Variants in DLG2 observed in about 807,000 individuals in gnomAD.
DLG2 encodes discs large MAGUK scaffold protein 2.
In DLG2, 45 loss-of-function variants were observed where a neutral mutation model predicts 132.5. That is an observed-to-expected ratio of 0.34 (90% CI 0.27 to 0.44). The LOEUF is 0.44. DLG2 is among the 20% of genes least tolerant of loss of function. The pLI, the probability that DLG2 is intolerant of heterozygous loss-of-function variation, is 1.00. For synonymous variants in DLG2, 424 were observed against 419.6 expected (o/e 1.01, Z -0.13); for missense variants, 1,045 against 1,196.9 (o/e 0.87, Z 1.87).
chr11:84,728,574 G>C (rs1172471389), intron 6 of DLG2, among the ~76,000 whole-genome samples: 1 of 152,152 alleles, frequency 6.6e-6, no homozygotes, highest in Non-Finnish European at 1.5e-5. Flanking sequence ...GTCTCTGCCA[G>C]GTGTTGGTAT....
intron 6 of DLG2, among the ~76,000 whole-genome samples, chr11:84,561,150 G>C (rs759615951): frequency 6.6e-6 from 1 of 152,082 alleles, no homozygotes; most frequent in Non-Finnish European, 1.5e-5. Context: ...AGGTTTAGGT[G>C]ATAATGCAAA....
intron 3 of DLG2, among the ~76,000 whole-genome samples, chr11:85,332,415 T>G (rs140421659): frequency 4.2e-4 from 64 of 152,340 alleles, no homozygotes; most frequent in African/African-American, 1.5e-3. Context: ...TTCTGCAGGT[T>G]GTCTACTCTC....
chr11:85,501,398 C>T (rs916119190), intron 3 of DLG2, among the ~76,000 whole-genome samples: 1 of 152,106 alleles, frequency 6.6e-6, no homozygotes, highest in Non-Finnish European at 1.5e-5. Context: ...GCAATGGCAA[C>T]AAAAGCCAAA....
intron 5 of DLG2, among the ~76,000 whole-genome samples, chr11:85,140,439 A>T (rs190561103): frequency 9.3e-4 from 142 of 151,876 alleles, no homozygotes; most frequent in Middle Eastern, 3.4e-3. Flanking sequence ...CTATCTTTTT[A>T]AAAAATTATG....
At chr11:83,574,225 G>A (rs1157228708) in intron 19 of DLG2, among the ~76,000 whole-genome samples, 3 of 152,048 alleles carry the variant, frequency 2.0e-5, no homozygotes, top group Admixed American at 6.6e-5. Context: ...AAATGACAGT[G>A]TCTGTCTTTT....
At chr11:83,814,261 G>C (rs1480459026) in intron 17 of DLG2, among the ~76,000 whole-genome samples, 2 of 152,108 alleles carry the variant, frequency 1.3e-5, no homozygotes, top group East Asian at 3.8e-4. Flanking sequence ...CTTAGGAATT[G>C]TAAAAAATAA....
chr11:84,229,364 T>A (rs1239856137), intron 8 of DLG2, among the ~76,000 whole-genome samples: 1 of 152,220 alleles, frequency 6.6e-6, no homozygotes, highest in East Asian at 1.9e-4. Context: ...GATGATACCA[T>A]ATTTCTCTTG....
chr11:84,248,566 G>A (rs565327130), intron 8 of DLG2, among the ~76,000 whole-genome samples: 1 of 152,176 alleles, frequency 6.6e-6, no homozygotes, highest in Admixed American at 6.6e-5. Context: ...GTATGAAAAA[G>A]TTGATTAGGC....
At chr11:85,215,489 A>G (rs2082526529) in intron 4 of DLG2, among the ~76,000 whole-genome samples, 1 of 152,178 alleles carries the variant, frequency 6.6e-6, no homozygotes, top group African/African-American at 2.4e-5. Flanking sequence ...GCTGAAAGCA[A>G]TTGAGAAAAA....
chr11:84,525,355 G>GC (rs1217947344), intron 7 of DLG2, among the ~76,000 whole-genome samples: 1 of 151,860 alleles, frequency 6.6e-6, no homozygotes, highest in Non-Finnish European at 1.5e-5. Context: ...TCTTCCTCTG[G>GC]CATTCTTGGT....
intron 6 of DLG2, among the ~76,000 whole-genome samples, chr11:85,104,131 T>A (rs1308854592): frequency 1.3e-5 from 2 of 151,860 alleles, no homozygotes. Context: ...ATGGTGCAAA[T>A]GTTATGGGAA....
chr11:84,701,008 T>C (rs2153741679), intron 6 of DLG2, among the ~76,000 whole-genome samples: 1 of 151,572 alleles, frequency 6.6e-6, no homozygotes, highest in Middle Eastern at 3.4e-3. Flanking sequence ...TTTCAGGATG[T>C]AAAACAGAAA....
chr11:84,314,788 C>T (rs949055475), intron 7 of DLG2, among the ~76,000 whole-genome samples: 2 of 151,656 alleles, frequency 1.3e-5, no homozygotes, highest in Non-Finnish European at 2.9e-5. Context: ...CATTTGAATA[C>T]ATATATTAAA....
intron 6 of DLG2, among the ~76,000 whole-genome samples, chr11:84,746,124 A>G (rs1367940563): frequency 6.6e-6 from 1 of 152,140 alleles, no homozygotes; most frequent in African/African-American, 2.4e-5. Context: ...GCAGACAATT[A>G]TAACAACATA....
At chr11:85,402,534 T>C (rs2088246455) in intron 3 of DLG2, among the ~76,000 whole-genome samples, 1 of 151,942 alleles carries the variant, frequency 6.6e-6, no homozygotes, top group Non-Finnish European at 1.5e-5. Flanking sequence ...CAAAAGAAAC[T>C]ATCATCAGAG....
Position 84,118,972 on chromosome 11 carries a change from G to A in DLG2, c.625-19925C>T, listed in dbSNP as rs368992609. 3.3e-5 allele frequency among the ~76,000 whole-genome samples: 5 copies of A among 152,070 alleles called. No individual in the cohort carries two copies. In the East Asian group the frequency reaches 7.7e-4, roughly 23 times the overall value. On this transcript the variant is annotated intron_variant, in intron 9 of 27. Coordinates refer to ENST00000376104, the MANE Select transcript of DLG2 (RefSeq NM_001142699.3). The stretch of plus-strand genomic sequence containing the variant: ...TGTGAATACACTTCAAAAGCAAAAC[G>A]TGTTTATAAGCCCTCTAATATCTGC...
chr11:84,803,752 G>C lies in DLG2; in HGVS notation c.358-269021C>G, dbSNP rs117658710. On this transcript the variant is annotated intron_variant, in intron 6 of 27. Transcript: ENST00000376104. ...ATGTTGCACAGGTCTGCCTCGACTA[G>C]CCCATAAAGGAGTCCTTACTACCTC... 1.7e-3 allele frequency among the ~76,000 whole-genome samples: 260 copies of C among 152,276 alleles called. 3 individuals carry two copies. The highest frequency in any genetic ancestry group is 3.0e-3 in the Non-Finnish European group (207 of 68,026).
intron 6 of DLG2, among the ~76,000 whole-genome samples, chr11:84,910,246 A>G (rs2091933004): frequency 6.6e-6 from 1 of 152,190 alleles, no homozygotes; most frequent in Admixed American, 6.5e-5. Flanking sequence ...TATCTTCCAA[A>G]TTGTTTATAA....
chr11:85,382,472 G>T (rs1465925419), intron 3 of DLG2, among the ~76,000 whole-genome samples: 2 of 151,742 alleles, frequency 1.3e-5, no homozygotes, highest in African/African-American at 4.8e-5. Flanking sequence ...CTATTTCTTA[G>T]ACACATCAAA....
Sources: allele counts gnomAD v4.1 joint callset (sites outside exome capture counted in the v4.1 genomes callset), GRCh38; gene constraint gnomAD v4.1.1; transcripts MANE v1.5; gene names NCBI Gene and HGNC (gene_info 2026-07-23, HGNC 2026-07-21).